Variants in PTPRA observed in about 807,000 individuals in gnomAD.
The protein encoded by PTPRA is receptor-type tyrosine-protein phosphatase alpha.
A neutral mutation model predicts 104.8 loss-of-function variants in PTPRA; 25 were observed. That is an observed-to-expected ratio of 0.24 (90% CI 0.17 to 0.33). PTPRA has a LOEUF of 0.33. Among genes scored for constraint, PTPRA ranks in the 10% least tolerant of loss-of-function variants. The pLI is 1.00. For synonymous variants in PTPRA, 323 were observed against 368.9 expected (o/e 0.88, Z 1.43); for missense variants, 765 against 1,015.3 (o/e 0.75, Z 3.35).
At chr20:2,885,055 C>A (rs1028152999) in intron 1 of PTPRA, among the ~76,000 whole-genome samples, 1 of 152,174 alleles carries the variant, frequency 6.6e-6, no homozygotes, top group Non-Finnish European at 1.5e-5. Flanking sequence ...CCCGCCTCGG[C>A]CTCCCAAAGT....
intron 6 of PTPRA, among the ~76,000 whole-genome samples, chr20:2,981,280 G>A (rs980122560): frequency 6.6e-6 from 1 of 152,152 alleles, no homozygotes; most frequent in Non-Finnish European, 1.5e-5. Flanking sequence ...TGATCTCTTG[G>A]TGATACATAC....
rs185074967 is a variant in PTPRA at position 2,934,513 on chromosome 20, T to C, written c.-50+11228T>C. Among the ~76,000 whole-genome samples, 96 of 152,294 alleles carry C rather than the reference T, an allele frequency of 6.3e-4. 1 individual carries two copies. The highest frequency in any genetic ancestry group is 2.2e-3 in the African/African-American group (91 of 41,554). Reference sequence around the variant, plus strand: ...TATAATCTCATAGTGCAAATACTTGTTCATTATTTGTTTTAAATAATGCCT... The same window carrying C: ...TATAATCTCATAGTGCAAATACTTGCTCATTATTTGTTTTAAATAATGCCT... On this transcript the variant is annotated intron_variant, in intron 2 of 23. Transcript: ENST00000399903.
At chr20:3,020,205 T>C (rs1287215852) in intron 13 of PTPRA, among the ~76,000 whole-genome samples, 230 of 152,216 alleles carry the variant, frequency 1.5e-3, no homozygotes, top group African/African-American at 5.1e-3. Context: ...GCCTCCCGGG[T>C]TCACACCATT....
chr20:2,883,914 A>C (rs1365334435), intron 1 of PTPRA, among the ~76,000 whole-genome samples: 1 of 152,274 alleles, frequency 6.6e-6, no homozygotes, highest in South Asian at 2.1e-4. Flanking sequence ...TCCTCCCTCC[A>C]GTCCCTGGCA....
chr20:2,947,707 C>A (rs919167285), intron 2 of PTPRA, among the ~76,000 whole-genome samples: 12 of 152,130 alleles, frequency 7.9e-5, no homozygotes, highest in South Asian at 4.1e-4. Flanking sequence ...TTTGCAAACA[C>A]TGAATACATG....
intron 3 of PTPRA, 52 bp downstream of exon 3, chr20:2,948,076 A>G: frequency 1.1e-6 from 1 of 906,768 alleles, no homozygotes; most frequent in Non-Finnish European, 1.5e-6. Context: ...AGAGGAAGAA[A>G]GGAAACATGG....
At chr20:2,974,583 C>T (rs1444590547) in intron 5 of PTPRA, among the ~76,000 whole-genome samples, 5 of 152,112 alleles carry the variant, frequency 3.3e-5, no homozygotes, top group African/African-American at 7.2e-5. Flanking sequence ...CCCACCACCA[C>T]GCCCAGCTAA....
chr20:2,913,300 C>T (rs1385483028), intron 1 of PTPRA, among the ~76,000 whole-genome samples: 9 of 152,098 alleles, frequency 5.9e-5, no homozygotes, highest in Non-Finnish European at 8.8e-5. Context: ...ATCACTTGAA[C>T]CTAGGAGGCG....
At chr20:2,967,697 C>G (rs1374151840) in intron 5 of PTPRA, among the ~76,000 whole-genome samples, 1 of 152,040 alleles carries the variant, frequency 6.6e-6, no homozygotes, top group Non-Finnish European at 1.5e-5. Context: ...CCCATCTCTA[C>G]AAAAAATACA....
intron 3 of PTPRA, among the ~76,000 whole-genome samples, chr20:2,962,963 G>C (rs2061811475): frequency 6.6e-6 from 1 of 152,166 alleles, no homozygotes; most frequent in East Asian, 1.9e-4. Context: ...ACTTTAGACT[G>C]TGAGTCCTGT....
At chr20:2,956,631 T>C (rs941055401) in intron 3 of PTPRA, among the ~76,000 whole-genome samples, 1 of 151,452 alleles carries the variant, frequency 6.6e-6, no homozygotes, top group African/African-American at 2.4e-5. Context: ...CCAACCAGAG[T>C]GAGAGAGCAA....
rs1329309732 is a variant in PTPRA at position 2,909,949 on chromosome 20, ATATT to A, written c.-128-13257_-128-13254del. On this transcript the variant is annotated intron_variant, in intron 1 of 23. Transcript: ENST00000399903. Reference sequence around the variant, plus strand: ...TGTTATATATAATATGTGTAATTATATATTATAATATATGATATATATATAATCT... The same window carrying A: ...TGTTATATATAATATGTGTAATTATAATAATATATGATATATATATAATCT... Among the ~76,000 whole-genome samples the A allele has an allele frequency of 2.4e-5, 3 of 122,842 alleles. No individual in the cohort carries two copies. In the Admixed American group the frequency reaches 2.8e-4, roughly 11 times the overall value. The allele number at this position is 122,842 out of a possible 152,430, so 80.6% of individuals were successfully genotyped here.
At chr20:2,955,907 TACA>T (rs754445611) in intron 3 of PTPRA, among the ~76,000 whole-genome samples, 2 of 152,170 alleles carry the variant, frequency 1.3e-5, no homozygotes, top group Admixed American at 6.5e-5. Flanking sequence ...CCCCCACAGA[TACA>T]ACATCTACTC....
chr20:2,987,259 T>C (rs980828393), intron 7 of PTPRA, among the ~76,000 whole-genome samples: 2 of 152,044 alleles, frequency 1.3e-5, no homozygotes, highest in Non-Finnish European at 2.9e-5. Flanking sequence ...TATTTCTGGC[T>C]GGGGCTTTGT....
At chr20:2,980,363 T>C (rs899265687) in intron 6 of PTPRA, among the ~76,000 whole-genome samples, 2 of 150,304 alleles carry the variant, frequency 1.3e-5, no homozygotes, top group Admixed American at 6.6e-5. Flanking sequence ...AGGTCAGGAG[T>C]TCAAGACCAG....
At chr20:2,866,508 G>T in the PTPRA span, 6 of 1,614,082 alleles carry the variant, frequency 3.7e-6, no homozygotes, top group African/African-American at 1.3e-5. Flanking sequence ...CCCACTGCAC[G>T]GGAGCCACAG....
At chr20:3,014,125 TA>T in intron 11 of PTPRA, among the ~76,000 whole-genome samples, 1 of 152,314 alleles carries the variant, frequency 6.6e-6, no homozygotes, top group Admixed American at 6.5e-5. Flanking sequence ...ATTATAAGTT[TA>T]GTAATATAAG....
intron 1 of PTPRA, among the ~76,000 whole-genome samples, chr20:2,903,420 C>G (rs894260095): frequency 6.6e-6 from 1 of 152,120 alleles, no homozygotes; most frequent in African/African-American, 2.4e-5. Context: ...GGTGTAGTGG[C>G]TGATGCCTGT....
intron 6 of PTPRA, 24 bp from the exon 7 acceptor site, chr20:2,986,731 ACAGTAATGAC>A: frequency 6.4e-7 from 1 of 1,569,556 alleles, no homozygotes; most frequent in Non-Finnish European, 8.8e-7. Flanking sequence ...ATTGCACAAC[ACAGTAATGAC>A]TTGTTCTGTT....
Sources: allele counts gnomAD v4.1 joint callset (sites outside exome capture counted in the v4.1 genomes callset), GRCh38; gene constraint gnomAD v4.1.1; transcripts MANE v1.5; gene names NCBI Gene and HGNC (gene_info 2026-07-23, HGNC 2026-07-21).